EFCAB8: variants seen among roughly 807,000 people sequenced by gnomAD.
EFCAB8 encodes the protein EF-hand calcium-binding domain-containing protein 8.
A neutral mutation model predicts 116.3 loss-of-function variants in EFCAB8; 100 were observed. The ratio of observed to expected loss-of-function variants is 0.86; its 90% confidence interval spans 0.73 to 1.02. The LOEUF is 1.02. Ranked by LOEUF, EFCAB8 falls within the 50% of genes least tolerant of loss-of-function variation. EFCAB8 has a pLI of 0.00. For missense variants in EFCAB8, 1,320 were observed against 1,416.9 expected (o/e 0.93, Z 1.10); for synonymous variants, 558 against 567.9 (o/e 0.98, Z 0.25).
At chr20:32,885,367 C>T (rs887825451) in intron 5 of EFCAB8, 138 bp from the exon 6 acceptor site, 129 of 1,144,600 alleles carry the variant, frequency 1.1e-4, no homozygotes, top group Admixed American at 1.3e-4. Flanking sequence ...GGGTTTATGG[C>T]GTGCGCATGT....
At chr20:32,951,225 T>C (rs1300223697) in intron 23 of EFCAB8, among the ~76,000 whole-genome samples, 1 of 152,226 alleles carries the variant, frequency 6.6e-6, no homozygotes, top group African/African-American at 2.4e-5. Flanking sequence ...AAAGACTACA[T>C]ACATAAATGT....
intron 6 of EFCAB8, among the ~76,000 whole-genome samples, chr20:32,886,964 A>G (rs6141842): frequency 0.6 from 90,743 of 151,854 alleles, 28,402 homozygotes; most frequent in Middle Eastern, 0.73. Flanking sequence ...GAATAGTGCA[A>G]GGGTTGGGAG....
chr20:32,894,413 A>G (rs148915773), intron 9 of EFCAB8, among the ~76,000 whole-genome samples: 3 of 152,216 alleles, frequency 2.0e-5, no homozygotes, highest in African/African-American at 7.2e-5. Context: ...TGAGCTGCCC[A>G]CTTAGCTGCT....
At chr20:32,889,210 C>G in intron 6 of EFCAB8, 91 bp from the exon 7 acceptor site, 1 of 1,135,798 alleles carries the variant, frequency 8.8e-7, no homozygotes, top group Non-Finnish European at 1.3e-6. Context: ...TGTGGTGGCT[C>G]CAGGCCTTGT....
At position 32,930,587 on chromosome 20, in the gene EFCAB8, A is replaced by T; in HGVS notation, c.2602A>T (p.Ile868Phe). The change falls in exon 21 of 27, where the codon ATC (isoleucine) becomes TTC (phenylalanine). Residue 868 changes from isoleucine (I) to phenylalanine (F), a missense_variant. Physicochemically the swap from Ile to Phe is conservative, Grantham distance 21. Transcript: ENST00000400522. ...CACTGATAAAAATGACTGGATCCTC[A>T]TCACGGGGGATTGTAAAGGATACAT... ...MATDKNDWIL[I>F]TGDCKGYIKI... The T allele has an allele frequency of 6.4e-7, 1 of 1,552,320 alleles. No individual in the cohort carries two copies. The highest frequency in any genetic ancestry group is 1.4e-5 in the African/African-American group (1 of 73,164).
intron 15 of EFCAB8, 98 bp from the exon 16 acceptor site, chr20:32,911,382 C>A: frequency 9.2e-7 from 1 of 1,088,238 alleles, no homozygotes; most frequent in Non-Finnish European, 1.3e-6. Context: ...TCTGTTTTCT[C>A]AGTGGATGGA....
chr20:32,933,346 A>G (rs1259412337), intron 22 of EFCAB8, among the ~76,000 whole-genome samples: 1 of 152,222 alleles, frequency 6.6e-6, no homozygotes, highest in African/African-American at 2.4e-5. Flanking sequence ...ATTGTTTCAA[A>G]TAGATAAATC....
At chr20:32,935,184 C>CTTTTTTTTTTTTTTTTTTT (rs1988056638) in intron 22 of EFCAB8, among the ~76,000 whole-genome samples, 1 of 64,556 alleles carries the variant, frequency 1.5e-5, no homozygotes, top group African/African-American at 8.7e-5. Context: ...TTCTTTCTTT[C>CTTTTTTTTTTTTTTTTTTT]TTTCTTTCTT....
chr20:32,946,958 T>C (rs2146295364), intron 23 of EFCAB8, among the ~76,000 whole-genome samples: 1 of 152,364 alleles, frequency 6.6e-6, no homozygotes, highest in East Asian at 1.9e-4. Context: ...GTTGAACGTA[T>C]CAGTAGTTTG....
intron 22 of EFCAB8, among the ~76,000 whole-genome samples, chr20:32,937,614 A>G (rs2146283605): frequency 6.6e-6 from 1 of 151,680 alleles, no homozygotes; most frequent in South Asian, 2.1e-4. Context: ...CCAAATATTT[A>G]AAGATTTTTC....
intron 2 of EFCAB8, 136 bp downstream of exon 2, chr20:32,863,970 T>C: frequency 1.0e-6 from 1 of 991,650 alleles, no homozygotes; most frequent in South Asian, 1.8e-5. Context: ...ACTGGGCAGG[T>C]AACTTAAGTG....
rs139142781 is a variant in EFCAB8 at position 32,918,387 on chromosome 20, C to A, written c.2087C>A (p.Ala696Asp). The change falls in exon 19 of 27, where the codon GCT (alanine) becomes GAT (aspartate). Residue 696 changes from alanine to aspartate, a missense_variant. Coordinates refer to ENST00000400522, the MANE Select transcript of EFCAB8 (RefSeq NM_001143967.2). Reference protein sequence around the residue: ...KRVQDVNNCLAESHRPSRPYV... With the variant: ...KRVQDVNNCLDESHRPSRPYV... ...GTGCAAGATGTGAACAACTGCCTGG[C>A]TGAGAGCCACAGGCCCAGCAGACCC... is the stretch of plus-strand genomic sequence containing the variant. 1.3e-6 allele frequency: 2 copies of A among 1,551,748 alleles called. No homozygotes were observed.
At chr20:32,921,393 T>TGTGTG (rs752656858) in intron 20 of EFCAB8, among the ~76,000 whole-genome samples, 5,513 of 107,432 alleles carry the variant, frequency 0.051, 134 homozygotes, top group Non-Finnish European at 0.062. Flanking sequence ...GTGTGTGTGT[T>TGTGTG]TTTGTAGAGA....
At chr20:32,941,628 T>A (rs1039178369) in intron 22 of EFCAB8, among the ~76,000 whole-genome samples, 1 of 152,190 alleles carries the variant, frequency 6.6e-6, no homozygotes, top group Non-Finnish European at 1.5e-5. Context: ...ATACCATATA[T>A]TGTGTGATTC....
In EFCAB8 at chr20:32,933,100, AGAT is replaced by A. The variant is rs1248519565; in HGVS notation, c.2790+1769_2790+1771del. Among the ~76,000 whole-genome samples the A allele has an allele frequency of 1.1e-4, 16 of 152,100 alleles. 1 individual carries two copies. Among genetic ancestry groups the A allele is most frequent in the African/African-American group, 3.9e-4 (16 of 41,402 alleles). ...TAATCTCCATAATGACTTGTGAGGG[AGAT>A]GATGTTTTTCAGATGAGGAAGTAAT... is the stretch of plus-strand genomic sequence containing the variant. On this transcript the variant is annotated intron_variant, in intron 22 of 26. Transcript: ENST00000400522.
In EFCAB8 at chr20:32,863,826, C is replaced by A. The variant is rs766702580; in HGVS notation, c.34C>A (p.Leu12Ile). 3 of 1,551,442 alleles carry A rather than the reference C, an allele frequency of 1.9e-6. No homozygotes were observed. In the South Asian group the frequency reaches 3.6e-5, roughly 18 times the overall value. Residue 12 changes from leucine (L) to isoleucine (I), a missense_variant, in exon 2 of 27, where the codon CTC (leucine) becomes ATC (isoleucine). By Grantham distance (5) the Leu-to-Ile change is conservative. Coordinates refer to ENST00000400522, the MANE Select transcript of EFCAB8 (RefSeq NM_001143967.2). ...SSEDLAEIPQ[L>I]QKLSIPHGFQ... ...TGAAGACTTAGCAGAGATCCCTCAACTCCAAAAGGTAAGAAAGACAATTAT... is the reference window on the plus strand; with the variant it reads ...TGAAGACTTAGCAGAGATCCCTCAAATCCAAAAGGTAAGAAAGACAATTAT...
chr20:32,907,183 G>GCC (rs1986719353), intron 13 of EFCAB8, 189 bp downstream of exon 13: 2 of 931,242 alleles, frequency 2.1e-6, no homozygotes, highest in African/African-American at 3.6e-5. Flanking sequence ...TTCCCAGGTA[G>GCC]CCCAGCCTGG....
chr20:32,940,441 A>G (rs1342777218), intron 22 of EFCAB8, among the ~76,000 whole-genome samples: 2 of 149,816 alleles, frequency 1.3e-5, no homozygotes, highest in African/African-American at 5.0e-5. Flanking sequence ...CTCCAAATGG[A>G]TCATAGACCT....
intron 24 of EFCAB8, among the ~76,000 whole-genome samples, chr20:32,958,796 C>G (rs1405149115): frequency 6.6e-6 from 1 of 152,154 alleles, no homozygotes. Context: ...GGGGAAAATA[C>G]AAAAACCCAA....
Sources: allele counts gnomAD v4.1 joint callset (sites outside exome capture counted in the v4.1 genomes callset), GRCh38; gene constraint gnomAD v4.1.1; transcripts MANE v1.5; gene names NCBI Gene and HGNC (gene_info 2026-07-23, HGNC 2026-07-21).